Variants in C1orf54 observed in about 807,000 individuals in gnomAD.
C1orf54 encodes uncharacterized protein C1orf54.
A neutral mutation model predicts 14.7 loss-of-function variants in C1orf54; 12 were observed. The observed-to-expected ratio is 0.82, with a 90% confidence interval of 0.52 to 1.32. The LOEUF (loss-of-function observed/expected upper bound fraction) is 1.32, where lower values mean the gene tolerates loss of function less well. C1orf54 is among the 40% of genes most tolerant of loss of function. The pLI is 0.00. For synonymous variants in C1orf54, 65 were observed against 56.3 expected, an observed-to-expected ratio of 1.16 and a Z score of -0.70; for missense variants, 163 against 162.2, an observed-to-expected ratio of 1.00 and a Z score of -0.03.
chr1:150,278,276 G>T (rs942109883), intron 4 of C1orf54, among the ~76,000 whole-genome samples: 2 of 152,186 alleles, frequency 1.3e-5, no homozygotes, highest in Non-Finnish European at 2.9e-5. Flanking sequence ...AATTTTATAT[G>T]AAGTATAAAT....
chr1:150,280,728 A>G (rs1653033411), intron 5 of C1orf54, 107 bp from the exon 6 acceptor site: 2 of 870,674 alleles, frequency 2.3e-6, no homozygotes, highest in Non-Finnish European at 3.6e-6. Context: ...TCACAGAGCA[A>G]TCCCAGCTCA....
rs1652943819 is a variant in C1orf54 at position 150,279,680 on chromosome 1, G to GTCCT, written c.339_342dup (p.Ile115SerfsTer27). On this transcript the variant is annotated frameshift_variant, in exon 5 of 6. Transcript: ENST00000369099. LOFTEE classifies it high-confidence loss of function. ...AACGATGCCGTGTCCAGTTTGCGAAGTCCTATTCCCCTCCTCCTGTCGTGT... is the reference window on the plus strand; with the variant it reads ...AACGATGCCGTGTCCAGTTTGCGAAGTCCTTCCTATTCCCCTCCTCCTGTCGTGT... The GTCCT allele has an allele frequency of 6.2e-7, 1 of 1,613,112 alleles. No individual in the cohort carries two copies. The highest frequency in any genetic ancestry group is 8.5e-7 in the Non-Finnish European group (1 of 1,179,648).
At chr1:150,268,931 C>T (rs1292890907), upstream of C1orf54, 1 of 784,932 alleles carries the variant, frequency 1.3e-6, no homozygotes, top group African/African-American at 1.8e-5. Flanking sequence ...GGTGCAATGT[C>T]ACCCCCAGAC....
At chr1:150,272,372 CTGA>C (rs1386681452), upstream of C1orf54, 1 of 169,436 alleles carries the variant, frequency 5.9e-6, no homozygotes, top group Non-Finnish European at 1.3e-5. Flanking sequence ...CGAAAAGAGA[CTGA>C]TGAAGCCTCA....
upstream of C1orf54, chr1:150,269,625 G>A (rs1176594800): frequency 6.6e-6 from 1 of 152,088 alleles, no homozygotes; most frequent in Non-Finnish European, 1.5e-5. Flanking sequence ...TTAGAGCGAT[G>A]GGGTTGAAGG....
intron 4 of C1orf54, among the ~76,000 whole-genome samples, chr1:150,278,356 A>G (rs587599286): frequency 1.3e-5 from 2 of 152,350 alleles, no homozygotes; most frequent in East Asian, 3.9e-4. Context: ...CCAAAGTGGG[A>G]ACTATGGGAG....
At chr1:150,271,424 T>C (rs1652198589), upstream of C1orf54, among the ~76,000 whole-genome samples, 1 of 152,224 alleles carries the variant, frequency 6.6e-6, no homozygotes. Context: ...TCCATTGAGC[T>C]GTTACCACAG....
At chr1:150,274,012 G>A (rs1652425918) in intron 1 of C1orf54, 75 bp from the exon 2 acceptor site, 3 of 947,438 alleles carry the variant, frequency 3.2e-6, no homozygotes, top group Non-Finnish European at 5.1e-6. Flanking sequence ...TGGGAGCGCT[G>A]AGGTCATCTC....
At chr1:150,269,735 A>C (rs2101859144), upstream of C1orf54, among the ~76,000 whole-genome samples, 1 of 151,372 alleles carries the variant, frequency 6.6e-6, no homozygotes, top group Middle Eastern at 3.4e-3. Flanking sequence ...CGTTTTCCTG[A>C]GGCTGAGAGG....
At chr1:150,268,902 G>A, upstream of C1orf54, 1 of 1,143,140 alleles carries the variant, frequency 8.7e-7, no homozygotes, top group Admixed American at 2.3e-5. Flanking sequence ...GGGTGGCAAC[G>A]CGACCCCACG....
intron 2 of C1orf54, among the ~76,000 whole-genome samples, chr1:150,275,351 T>TA: frequency 6.6e-6 from 1 of 150,942 alleles, no homozygotes; most frequent in East Asian, 2.0e-4. Context: ...TTTTTTTTTT[T>TA]AATTAGCTGG....
intron 5 of C1orf54, 103 bp downstream of exon 5, chr1:150,279,844 TC>T: frequency 1.0e-6 from 1 of 977,170 alleles, no homozygotes; most frequent in Non-Finnish European, 1.5e-6. Flanking sequence ...AGTTAGTGTT[TC>T]CAGCCTGGTC....
At chr1:150,269,749 T>G (rs369127067), upstream of C1orf54, among the ~76,000 whole-genome samples, 125 of 152,132 alleles carry the variant, frequency 8.2e-4, no homozygotes, top group African/African-American at 2.9e-3. Context: ...TGAGAGGGGT[T>G]GTATATTAGA....
At chr1:150,270,800 T>C (rs1652149174), upstream of C1orf54, among the ~76,000 whole-genome samples, 1 of 150,304 alleles carries the variant, frequency 6.7e-6, no homozygotes, top group Admixed American at 6.6e-5. Context: ...ATCGAGACCA[T>C]CCTGGCTAAC....
chr1:150,270,195 C>A (rs1019393424), upstream of C1orf54, among the ~76,000 whole-genome samples: 93 of 150,486 alleles, frequency 6.2e-4, no homozygotes, highest in Non-Finnish European at 1.1e-3. Flanking sequence ...ATCAAAGTAC[C>A]AAAAAAAACC....
intron 4 of C1orf54, among the ~76,000 whole-genome samples, chr1:150,277,754 G>A (rs1652785716): frequency 6.6e-6 from 1 of 152,068 alleles, no homozygotes; most frequent in African/African-American, 2.4e-5. Flanking sequence ...TAATCAACAA[G>A]GAGCCTAGTA....
intron 5 of C1orf54, among the ~76,000 whole-genome samples, chr1:150,280,056 A>C (rs1319195143): frequency 2.6e-5 from 4 of 152,198 alleles, no homozygotes; most frequent in African/African-American, 4.8e-5. Flanking sequence ...CAAGACGTTA[A>C]AAAAATTAAA....
chr1:150,280,117 G>C (rs190065489), intron 5 of C1orf54, among the ~76,000 whole-genome samples: 10 of 152,306 alleles, frequency 6.6e-5, no homozygotes, highest in Admixed American at 3.9e-4. Context: ...CCAGCTATTG[G>C]GGGGGATGGG....
upstream of C1orf54, chr1:150,269,066 C>T (rs1174830920): frequency 4.6e-6 from 2 of 432,926 alleles, no homozygotes; most frequent in Non-Finnish European, 8.7e-6. Flanking sequence ...CTAATCCCCA[C>T]CCCCGGAAGG....
Sources: gnomAD v4.1 joint callset for allele counts (sites outside exome capture counted in the v4.1 genomes callset) on GRCh38, gnomAD v4.1.1 for gene constraint, MANE v1.5 for transcripts, NCBI Gene and HGNC (gene_info 2026-07-23, HGNC 2026-07-21) for gene names.